The following PPM1L variants were observed in gnomAD, a reference collection of about 807,000 sequenced individuals.
The protein encoded by PPM1L is protein phosphatase 1L.
In PPM1L, 13 loss-of-function variants were observed where a neutral mutation model predicts 31.4. The ratio of observed to expected loss-of-function variants is 0.41; its 90% CI spans 0.27 to 0.66. The LOEUF is 0.66. PPM1L is among the 30% of genes least tolerant of loss of function. The pLI, the probability that PPM1L is intolerant of heterozygous loss-of-function variation, is 0.29. For missense variants in PPM1L, 326 were observed against 453.7 expected (o/e 0.72, Z 2.56); for synonymous variants, 184 against 175.4 (o/e 1.05, Z -0.39).
chr3:160,829,453 C>G (rs1713454659), intron 1 of PPM1L, among the ~76,000 whole-genome samples: 2 of 152,156 alleles, frequency 1.3e-5, no homozygotes, highest in Non-Finnish European at 1.5e-5. Context: ...TTTTCACACT[C>G]TTCTGATTAA....
intron 1 of PPM1L, among the ~76,000 whole-genome samples, chr3:160,765,611 A>G (rs528211269): frequency 2.0e-4 from 30 of 152,346 alleles, no homozygotes; most frequent in Non-Finnish European, 4.0e-4. Context: ...CAGAATCTCT[A>G]TCCCACTACA....
At chr3:160,911,045 G>A (rs1713953962) in intron 1 of PPM1L, among the ~76,000 whole-genome samples, 1 of 152,188 alleles carries the variant, frequency 6.6e-6, no homozygotes, top group Admixed American at 6.5e-5. Context: ...CCAGTCACCT[G>A]TAATGAGGAA....
chr3:160,847,400 A>C (rs1295979074), intron 1 of PPM1L, among the ~76,000 whole-genome samples: 1 of 152,262 alleles, frequency 6.6e-6, no homozygotes, highest in Non-Finnish European at 1.5e-5. Context: ...AAGATTTCAA[A>C]TAGATATGCT....
At position 160,980,745 on chromosome 3, in the gene PPM1L, A is replaced by G. The variant is rs552071006; in HGVS notation, c.574+18835A>G. Among the ~76,000 whole-genome samples, 7 of 145,588 alleles carry G rather than the reference A, an allele frequency of 4.8e-5. No individual in the cohort carries two copies. In the East Asian group the frequency reaches 1.4e-3, roughly 30 times the overall value. On this transcript the variant is annotated intron_variant, in intron 2 of 3. Coordinates refer to ENST00000498165, the MANE Select transcript of PPM1L (RefSeq NM_139245.4). ...GAGAGAGAGAGAAAAAGAAAGAGAA[A>G]GAAAGAAAGAGAAGGAAAGACGGAA...
intron 2 of PPM1L, among the ~76,000 whole-genome samples, chr3:161,007,429 G>A (rs1344840264): frequency 5.3e-5 from 8 of 152,194 alleles, no homozygotes; most frequent in Non-Finnish European, 1.0e-4. Flanking sequence ...AGCTTGATGG[G>A]TTTGAGGGAA....
intron 1 of PPM1L, among the ~76,000 whole-genome samples, chr3:160,794,091 T>C (rs1385383880): frequency 6.7e-6 from 1 of 149,312 alleles, no homozygotes; most frequent in Non-Finnish European, 1.5e-5. Flanking sequence ...TGCCTGGTTC[T>C]GTTTTAACTT....
chr3:160,784,708 A>G (rs998594987), intron 1 of PPM1L, among the ~76,000 whole-genome samples: 10 of 152,178 alleles, frequency 6.6e-5, no homozygotes, highest in Admixed American at 5.9e-4. Context: ...CCCATTTCCT[A>G]TGTAATCACT....
intron 1 of PPM1L, among the ~76,000 whole-genome samples, chr3:160,919,436 A>G (rs192511616): frequency 6.6e-6 from 1 of 152,330 alleles, no homozygotes; most frequent in East Asian, 1.9e-4. Flanking sequence ...AATTTTTCTT[A>G]ATAACCAATG....
intron 1 of PPM1L, among the ~76,000 whole-genome samples, chr3:160,829,159 C>T (rs1278166147): frequency 6.6e-6 from 1 of 151,792 alleles, no homozygotes; most frequent in African/African-American, 2.4e-5. Flanking sequence ...TGTTGTTTCC[C>T]CTACCCCCTC....
chr3:161,012,166 G>T (rs2108063833), intron 2 of PPM1L, among the ~76,000 whole-genome samples: 1 of 152,234 alleles, frequency 6.6e-6, no homozygotes, highest in East Asian at 1.9e-4. Flanking sequence ...GTCATAGATA[G>T]CTCTTATTAT....
At chr3:160,813,265 A>C (rs1278484644) in intron 1 of PPM1L, among the ~76,000 whole-genome samples, 8 of 152,206 alleles carry the variant, frequency 5.3e-5, no homozygotes, top group Non-Finnish European at 1.0e-4. Flanking sequence ...AATAACAGCT[A>C]TCTCTAGTTA....
intron 2 of PPM1L, among the ~76,000 whole-genome samples, chr3:161,025,666 C>CA (rs1718363434): frequency 6.6e-6 from 1 of 152,134 alleles, no homozygotes; most frequent in Middle Eastern, 3.4e-3. Context: ...AGAAGGCCCT[C>CA]ACTAGAGGCT....
intron 2 of PPM1L, among the ~76,000 whole-genome samples, chr3:160,996,839 A>G (rs1252213587): frequency 6.6e-6 from 1 of 152,212 alleles, no homozygotes; most frequent in Non-Finnish European, 1.5e-5. Context: ...TGCAGTGATG[A>G]GTGAACACAT....
At chr3:160,791,250 G>A (rs1712097503) in intron 1 of PPM1L, among the ~76,000 whole-genome samples, 1 of 152,090 alleles carries the variant, frequency 6.6e-6, no homozygotes, top group Non-Finnish European at 1.5e-5. Flanking sequence ...AAAGGCATAG[G>A]CTTAGAGTCA....
intron 1 of PPM1L, among the ~76,000 whole-genome samples, chr3:160,945,500 G>T (rs571932208): frequency 1.3e-5 from 2 of 152,152 alleles, no homozygotes; most frequent in African/African-American, 4.8e-5. Flanking sequence ...GTCAATCTAG[G>T]TTCAGTGGTA....
chr3:160,931,417 A>G (rs529677988), intron 1 of PPM1L, among the ~76,000 whole-genome samples: 1 of 152,358 alleles, frequency 6.6e-6, no homozygotes, highest in South Asian at 2.1e-4. Context: ...TCATTCAGCA[A>G]TTATTTACTG....
chr3:161,002,783 TA>T (rs1321370933), intron 2 of PPM1L, among the ~76,000 whole-genome samples: 1 of 142,370 alleles, frequency 7.0e-6, no homozygotes, highest in Non-Finnish European at 1.5e-5. Flanking sequence ...TCCCATTTTG[TA>T]GGTTGCCTGT....
At chr3:160,944,002 A>G (rs928274245) in intron 1 of PPM1L, among the ~76,000 whole-genome samples, 1 of 152,176 alleles carries the variant, frequency 6.6e-6, no homozygotes, top group African/African-American at 2.4e-5. Flanking sequence ...ATAATGCTTT[A>G]TGACATCTGG....
chr3:160,874,752 C>G (rs1712450374), intron 1 of PPM1L, among the ~76,000 whole-genome samples: 1 of 152,198 alleles, frequency 6.6e-6, no homozygotes, highest in Non-Finnish European at 1.5e-5. Context: ...TCCTGGTCCT[C>G]TTTCTTTCCT....
Sources: gnomAD v4.1 joint callset for allele counts (sites outside exome capture counted in the v4.1 genomes callset) on GRCh38, gnomAD v4.1.1 for gene constraint, MANE v1.5 for transcripts, NCBI Gene and HGNC (gene_info 2026-07-23, HGNC 2026-07-21) for gene names.